Variants in ULK4 observed in about 807,000 individuals in gnomAD.
ULK4 encodes the protein unc-51 like kinase 4, also known as inactive serine/threonine-protein kinase ULK4.
ULK4 carries 133 observed loss-of-function variants against 160.6 expected under a neutral mutation model. The observed-to-expected ratio is 0.83, with a 90% CI of 0.72 to 0.96. ULK4 has a LOEUF of 0.96. Ranked by LOEUF, ULK4 falls within the 40% of genes least tolerant of loss-of-function variation. ULK4 has a pLI of 0.00. For synonymous variants in ULK4, 534 were observed against 539.8 expected (o/e 0.99, Z 0.15); for missense variants, 1,580 against 1,499.5 (o/e 1.05, Z -0.89).
chr3:41,503,019 A>G (rs1425011450), intron 32 of ULK4, among the ~76,000 whole-genome samples: 1 of 152,216 alleles, frequency 6.6e-6, no homozygotes, highest in African/African-American at 2.4e-5. Flanking sequence ...TTGATAAATT[A>G]GCCTAAGGAA....
intron 1 of ULK4, among the ~76,000 whole-genome samples, chr3:41,957,889 T>A (rs56728371): frequency 0.13 from 20,367 of 151,610 alleles, 1,507 homozygotes; most frequent in Middle Eastern, 0.27. Flanking sequence ...TAAAAATTTT[T>A]AAAAATTAGC....
At chr3:41,856,564 CATATATATATGTGTATATATATACACAT>C (rs1409598799) in intron 17 of ULK4, among the ~76,000 whole-genome samples, 35 of 69,002 alleles carry the variant, frequency 5.1e-4, no homozygotes, top group East Asian at 2.1e-3. Flanking sequence ...TATATATACA[CATATATATATGTGTATATATATACACAT>C]ATATATATAT....
At chr3:41,927,822 T>C (rs1431299578) in intron 5 of ULK4, among the ~76,000 whole-genome samples, 1 of 152,142 alleles carries the variant, frequency 6.6e-6, no homozygotes, top group Non-Finnish European at 1.5e-5. Flanking sequence ...TAAATATATA[T>C]GCACCCAATA....
At chr3:41,829,212 A>T (rs780710900) in intron 18 of ULK4, among the ~76,000 whole-genome samples, 7,096 of 147,332 alleles carry the variant, frequency 0.048, 294 homozygotes, top group East Asian at 0.16. Context: ...AACCTAGGCA[A>T]TACCATTCAG....
intron 5 of ULK4, among the ~76,000 whole-genome samples, chr3:41,928,379 A>G (rs138806110): frequency 8.3e-4 from 126 of 152,314 alleles, no homozygotes; most frequent in African/African-American, 2.8e-3. Flanking sequence ...ACAGCACTAA[A>G]TGCCCACAAG....
intron 21 of ULK4, among the ~76,000 whole-genome samples, chr3:41,770,981 C>T (rs1041133412): frequency 3.3e-5 from 5 of 152,152 alleles, no homozygotes; most frequent in African/African-American, 4.8e-5. Context: ...CTACAGTCAT[C>T]CACGAAGACC....
chr3:41,585,287 T>C (rs2030705807), intron 31 of ULK4, among the ~76,000 whole-genome samples: 1 of 152,138 alleles, frequency 6.6e-6, no homozygotes, highest in South Asian at 2.1e-4. Context: ...AAAACAACAG[T>C]AATCAAGACA....
At chr3:41,619,154 G>C (rs1222898972) in intron 30 of ULK4, among the ~76,000 whole-genome samples, 1 of 152,094 alleles carries the variant, frequency 6.6e-6, no homozygotes, top group Non-Finnish European at 1.5e-5. Flanking sequence ...CCTACAAAGA[G>C]AAGCAGACTC....
At chr3:41,870,651 C>T (rs1207809153) in intron 17 of ULK4, among the ~76,000 whole-genome samples, 1 of 152,140 alleles carries the variant, frequency 6.6e-6, no homozygotes, top group Non-Finnish European at 1.5e-5. Flanking sequence ...CAAAAGTCTG[C>T]CATTGGTACA....
rs187815938 is a variant in ULK4, at chr3:41,901,611, G to A, written c.1183-782C>T. Among the ~76,000 whole-genome samples the A allele has an allele frequency of 1.8e-3, 278 of 150,904 alleles. 1 individual carries two copies. The highest frequency in any genetic ancestry group is 2.9e-3 in the Non-Finnish European group (197 of 67,762). On this transcript the variant is annotated intron_variant, in intron 12 of 36. Transcript: ENST00000301831. ...TTCTCCTGCTTCAGCCTCCCAAGTC[G>A]TGGAATTACTGGTGTATGCCACCAT...
At chr3:41,451,397 G>A (rs2083422373) in intron 34 of ULK4, among the ~76,000 whole-genome samples, 3 of 151,880 alleles carry the variant, frequency 2.0e-5, no homozygotes, top group Middle Eastern at 3.4e-3. Context: ...TATGAGGGCA[G>A]GAGGGACTAT....
intron 31 of ULK4, among the ~76,000 whole-genome samples, chr3:41,606,646 A>AT (rs1187802501): frequency 6.6e-6 from 1 of 151,776 alleles, no homozygotes; most frequent in Non-Finnish European, 1.5e-5. Flanking sequence ...ATTTTTTGTC[A>AT]TTTTGATAAT....
At chr3:41,721,255 A>ATTTTTTTTTTTTTTTTTTTTTTTTTTTT (rs67078042) in intron 22 of ULK4, among the ~76,000 whole-genome samples, 1 of 45,052 alleles carries the variant, frequency 2.2e-5, no homozygotes, top group Non-Finnish European at 3.5e-5. Flanking sequence ...TTCGCTTTGA[A>ATTTTTTTTTTTTTTTTTTTTTTTTTTTT]TTTTTTTTTT....
intron 30 of ULK4, among the ~76,000 whole-genome samples, chr3:41,633,500 A>G (rs1366867659): frequency 6.6e-6 from 1 of 152,182 alleles, no homozygotes; most frequent in African/African-American, 2.4e-5. Flanking sequence ...CTAGCCATTT[A>G]CAGAAAAGGT....
chr3:41,333,985 T>C (rs1028419507), intron 35 of ULK4, among the ~76,000 whole-genome samples: 2 of 152,132 alleles, frequency 1.3e-5, no homozygotes, highest in African/African-American at 4.8e-5. Context: ...TCTTATTTAT[T>C]ATAAGATGTC....
chr3:41,335,041 G>A (rs958395094), intron 35 of ULK4, among the ~76,000 whole-genome samples: 1 of 152,114 alleles, frequency 6.6e-6, no homozygotes, highest in East Asian at 1.9e-4. Flanking sequence ...AAAGTAAACT[G>A]CTATTTACAC....
At chr3:41,528,008 C>T (rs2086178753) in intron 32 of ULK4, among the ~76,000 whole-genome samples, 1 of 152,066 alleles carries the variant, frequency 6.6e-6, no homozygotes, top group Admixed American at 6.5e-5. Flanking sequence ...TGTGGTTAAC[C>T]ACATATAGGA....
At chr3:41,665,451 C>T (rs1374629328) in intron 29 of ULK4, among the ~76,000 whole-genome samples, 1 of 152,158 alleles carries the variant, frequency 6.6e-6, no homozygotes. Flanking sequence ...GAGCCCACTA[C>T]ACACCATAAT....
chr3:41,334,578 G>A (rs536865022), intron 35 of ULK4, among the ~76,000 whole-genome samples: 26 of 152,242 alleles, frequency 1.7e-4, no homozygotes, highest in African/African-American at 6.3e-4. Flanking sequence ...CTCTGGTGTG[G>A]GCTGTGCAGG....
Sources: gnomAD v4.1 joint callset for allele counts (sites outside exome capture counted in the v4.1 genomes callset) on GRCh38, gnomAD v4.1.1 for gene constraint, MANE v1.5 for transcripts, NCBI Gene and HGNC (gene_info 2026-07-23, HGNC 2026-07-21) for gene names.